SEMA3E: variants seen among roughly 807,000 people sequenced by gnomAD.
SEMA3E encodes semaphorin 3E.
In SEMA3E, 49 loss-of-function variants were observed where a neutral mutation model predicts 93.6. That is an observed-to-expected ratio of 0.52 (90% confidence interval 0.42 to 0.66). The LOEUF (loss-of-function observed/expected upper bound fraction) is 0.66, where lower values mean the gene tolerates loss of function less well. SEMA3E is among the 30% of genes least tolerant of loss of function. The pLI is 0.00. For synonymous variants in SEMA3E, 363 were observed against 330.7 expected, an observed-to-expected ratio of 1.10 and a Z score of -1.06; for missense variants, 906 against 964.8, an observed-to-expected ratio of 0.94 and a Z score of 0.81.
chr7:83,408,299 G>A, intron 6 of SEMA3E, 69 bp downstream of exon 6: 1 of 1,577,554 alleles, frequency 6.3e-7, no homozygotes, highest in Non-Finnish European at 8.7e-7. Flanking sequence ...TTATCAAAAT[G>A]GCAACATTTT....
chr7:83,460,478 C>T (rs1038433945), intron 4 of SEMA3E, among the ~76,000 whole-genome samples: 32 of 152,070 alleles, frequency 2.1e-4, no homozygotes, highest in Middle Eastern at 6.8e-3. Context: ...ATTGCAGGGA[C>T]GCCGCTCTGA....
chr7:83,505,325 T>A (rs534977610), intron 1 of SEMA3E, among the ~76,000 whole-genome samples: 9 of 152,108 alleles, frequency 5.9e-5, no homozygotes, highest in Admixed American at 3.3e-4. Flanking sequence ...TCAGACAATA[T>A]AAAGATCAGA....
In SEMA3E at chr7:83,367,903, C is replaced by T; in HGVS notation, c.2011G>A (p.Glu671Lys). 1.9e-6 allele frequency: 3 copies of T among 1,610,936 alleles called. No homozygotes were observed. The highest frequency in any genetic ancestry group is 2.5e-6 in the Non-Finnish European group (3 of 1,178,044). The part of the protein sequence containing the change: ...FVHTVRKITL[E>K]VVEEEKVEDM... ...TCGACTTTCTCCTCTTCCACTACCT[C>T]CAAGGTGATTTTACGGACCGTATGG... The change falls in exon 17 of 17, where the codon GAG becomes AAG. Residue 671 changes from glutamate (E) to lysine (K), a missense_variant. By Grantham distance (56) the Glu-to-Lys change is moderately conservative. Transcript: ENST00000643230.
intron 2 of SEMA3E, among the ~76,000 whole-genome samples, chr7:83,475,612 A>G (rs1789993773): frequency 6.6e-6 from 1 of 151,204 alleles, no homozygotes; most frequent in South Asian, 2.1e-4. Flanking sequence ...CCGGAGGGGC[A>G]AGGACACTGA....
chr7:83,461,615 C>T (rs1789618652), intron 4 of SEMA3E, among the ~76,000 whole-genome samples: 1 of 152,270 alleles, frequency 6.6e-6, no homozygotes, highest in South Asian at 2.1e-4. Flanking sequence ...CAGTTCATGG[C>T]TCGTTTGGCA....
chr7:83,631,334 G>A (rs973884506), intron 1 of SEMA3E, among the ~76,000 whole-genome samples: 2 of 151,838 alleles, frequency 1.3e-5, no homozygotes, highest in Non-Finnish European at 1.5e-5. Context: ...CATCATCCAG[G>A]GAAGCCAGAA....
At chr7:83,598,998 G>A (rs772093770) in intron 1 of SEMA3E, among the ~76,000 whole-genome samples, 4 of 151,890 alleles carry the variant, frequency 2.6e-5, no homozygotes, top group African/African-American at 2.4e-5. Context: ...AACTTTCATC[G>A]GCAAAACAGT....
intron 2 of SEMA3E, among the ~76,000 whole-genome samples, chr7:83,470,377 C>G (rs1789866591): frequency 6.6e-6 from 1 of 152,020 alleles, no homozygotes. Context: ...TTCTCAGACT[C>G]CTTTTGGTCC....
intron 13 of SEMA3E, among the ~76,000 whole-genome samples, chr7:83,393,052 A>AAC (rs960107000): frequency 1.3e-4 from 19 of 151,618 alleles, no homozygotes; most frequent in Admixed American, 7.9e-4. Flanking sequence ...AAAAAAAAAA[A>AAC]AAAAATTATA....
chr7:83,461,213 C>T (rs568370973), intron 4 of SEMA3E, among the ~76,000 whole-genome samples: 2 of 152,236 alleles, frequency 1.3e-5, no homozygotes, highest in East Asian at 1.9e-4. Flanking sequence ...GTCTCTGTGC[C>T]CAGTGCAACT....
chr7:83,481,835 T>A (rs1790151679), intron 2 of SEMA3E, among the ~76,000 whole-genome samples: 1 of 152,136 alleles, frequency 6.6e-6, no homozygotes. Flanking sequence ...TATGGAAAAA[T>A]TATTCTTATA....
intron 1 of SEMA3E, among the ~76,000 whole-genome samples, chr7:83,554,476 T>C (rs989748055): frequency 6.6e-6 from 1 of 152,170 alleles, no homozygotes; most frequent in Admixed American, 6.5e-5. Context: ...ACAATCTTTC[T>C]GACCGTTCTA....
At chr7:83,416,192 G>T (rs936711448) in intron 5 of SEMA3E, among the ~76,000 whole-genome samples, 11 of 152,056 alleles carry the variant, frequency 7.2e-5, no homozygotes, top group African/African-American at 2.4e-4. Flanking sequence ...TAAATGTGAA[G>T]AATTATATTT....
chr7:83,504,284 G>A (rs1338888567), intron 1 of SEMA3E, among the ~76,000 whole-genome samples: 2 of 152,178 alleles, frequency 1.3e-5, no homozygotes, highest in East Asian at 3.9e-4. Context: ...TTTATATCCT[G>A]TTAATTTCAT....
Position 83,388,285 on chromosome 7 carries a change from G to A in SEMA3E, c.1668-1235C>T, listed in dbSNP as rs1323985042. On this transcript the variant is annotated intron_variant, in intron 14 of 16. Transcript: ENST00000643230. Reference sequence around the variant, plus strand: ...GATTGCACCACTGCACTCCAGCCTGGCAATGAAATGATACCCCATCTCAAA... The same window carrying A: ...GATTGCACCACTGCACTCCAGCCTGACAATGAAATGATACCCCATCTCAAA... 2.1e-5 allele frequency among the ~76,000 whole-genome samples: 3 copies of A among 145,270 alleles called. No homozygotes were observed. In the East Asian group the frequency reaches 6.0e-4, roughly 29 times the overall value.
intron 10 of SEMA3E, among the ~76,000 whole-genome samples, chr7:83,400,620 T>A (rs1419377970): frequency 1.3e-5 from 2 of 152,022 alleles, no homozygotes; most frequent in African/African-American, 2.4e-5. Context: ...TATTTTTTGT[T>A]ACAGAAATAG....
intron 13 of SEMA3E, among the ~76,000 whole-genome samples, chr7:83,394,073 T>C (rs1788069959): frequency 6.6e-6 from 1 of 152,200 alleles, no homozygotes; most frequent in South Asian, 2.1e-4. Flanking sequence ...AGTATAACAC[T>C]GTACCTATAA....
chr7:83,579,481 T>A (rs1211647100), intron 1 of SEMA3E, among the ~76,000 whole-genome samples: 1 of 152,112 alleles, frequency 6.6e-6, no homozygotes, highest in East Asian at 1.9e-4. Context: ...TTCAGTATAT[T>A]CTGAAATAAA....
chr7:83,590,040 A>T (rs768679577), intron 1 of SEMA3E, among the ~76,000 whole-genome samples: 12 of 152,160 alleles, frequency 7.9e-5, no homozygotes, highest in Non-Finnish European at 1.3e-4. Flanking sequence ...TGGATTGCAG[A>T]AATTGTATTT....
Sources: gnomAD v4.1 joint callset for allele counts (sites outside exome capture counted in the v4.1 genomes callset) on GRCh38, gnomAD v4.1.1 for gene constraint, MANE v1.5 for transcripts, NCBI Gene and HGNC (gene_info 2026-07-23, HGNC 2026-07-21) for gene names.